Variants in DLGAP4 observed in about 807,000 individuals in gnomAD.
The protein encoded by DLGAP4 is disks large-associated protein 4.
A neutral mutation model predicts 86.9 loss-of-function variants in DLGAP4; 18 were observed. The observed-to-expected ratio is 0.21, with a 90% confidence interval of 0.14 to 0.31. The LOEUF is 0.31. DLGAP4 is among the 10% of genes least tolerant of loss of function. The pLI is 1.00. For missense variants in DLGAP4, 1,085 were observed against 1,362.6 expected (o/e 0.80, Z 3.21); for synonymous variants, 548 against 574.3 (o/e 0.95, Z 0.65).
chr20:36,463,754 C>T (rs1218221666), intron 7 of DLGAP4, among the ~76,000 whole-genome samples: 1 of 152,198 alleles, frequency 6.6e-6, no homozygotes, highest in Non-Finnish European at 1.5e-5. Context: ...GCTTTTCCTG[C>T]TTCCCCTGTA....
intron 7 of DLGAP4, among the ~76,000 whole-genome samples, chr20:36,448,865 T>C (rs1569503130): frequency 6.6e-6 from 1 of 151,152 alleles, no homozygotes; most frequent in Non-Finnish European, 1.5e-5. Context: ...ACCCGGGAGG[T>C]AGAGGTTGCA....
chr20:36,464,630 A>T (rs542406176), intron 7 of DLGAP4, among the ~76,000 whole-genome samples: 5 of 152,014 alleles, frequency 3.3e-5, no homozygotes, highest in African/African-American at 1.2e-4. Context: ...CGGGCAGATC[A>T]CTGGAGGTCA....
At chr20:36,313,548 T>TG (rs1423052033) in intron 1 of DLGAP4, among the ~76,000 whole-genome samples, 8,819 of 136,094 alleles carry the variant, frequency 0.065, 289 homozygotes, top group Non-Finnish European at 0.079. Context: ...AGCTCTGGGG[T>TG]GGGGGGGGGT....
intron 7 of DLGAP4, among the ~76,000 whole-genome samples, chr20:36,470,176 C>T (rs2034597926): frequency 6.6e-6 from 1 of 152,160 alleles, no homozygotes; most frequent in African/African-American, 2.4e-5. Context: ...CACTTAATTT[C>T]CCGTCCTTCC....
intron 1 of DLGAP4, among the ~76,000 whole-genome samples, chr20:36,319,633 G>A (rs1460967108): frequency 2.0e-5 from 3 of 152,176 alleles, no homozygotes; most frequent in Non-Finnish European, 2.9e-5. Flanking sequence ...GTGGGAAACC[G>A]GGGCCACAGA....
chr20:36,424,357 G>A (rs903463609), intron 2 of DLGAP4, among the ~76,000 whole-genome samples: 2 of 152,166 alleles, frequency 1.3e-5, no homozygotes, highest in African/African-American at 4.8e-5. Flanking sequence ...CCCCTGGGAA[G>A]GAGCATAAGG....
Position 36,527,298 on chromosome 20 carries a change from T to C in DLGAP4, c.*267T>C. 1 of 324,410 alleles carries C rather than the reference T, an allele frequency of 3.1e-6. No individual in the cohort carries two copies. The highest frequency in any genetic ancestry group is 4.6e-5 in the Admixed American group (1 of 21,942). 20.1% of individuals were successfully genotyped at this position (324,410 alleles called of 1,614,324 possible). A position where few individuals can be genotyped will look rare whatever the true frequency, so the allele number is the denominator to read the frequency against. ...TTTCCTCTTGCTGGCCGTGGTGGAC[T>C]AGATAGATGGACGTCGGCAACTCCC... is the stretch of plus-strand genomic sequence containing the variant. On this transcript the variant is annotated 3_prime_UTR_variant, in exon 13 of 13. Transcript: ENST00000339266.
chr20:36,340,146 C>T (rs1555892378), intron 1 of DLGAP4, among the ~76,000 whole-genome samples: 1 of 152,156 alleles, frequency 6.6e-6, no homozygotes, highest in Admixed American at 6.5e-5. Flanking sequence ...CCAATACCCT[C>T]ACCTCTGGGA....
intron 10 of DLGAP4, among the ~76,000 whole-genome samples, chr20:36,505,075 C>G (rs1207801985): frequency 6.6e-6 from 1 of 151,978 alleles, no homozygotes; most frequent in Non-Finnish European, 1.5e-5. Flanking sequence ...GCAACCTCCG[C>G]CTGCTGGGTT....
chr20:36,498,698 G>A (rs1401867532), intron 8 of DLGAP4: 1 of 152,742 alleles, frequency 6.5e-6, no homozygotes, highest in Admixed American at 6.5e-5. Flanking sequence ...CCAAGAGACT[G>A]AAGAGTCCCC....
intron 2 of DLGAP4, among the ~76,000 whole-genome samples, chr20:36,428,001 G>A (rs1002309248): frequency 2.6e-5 from 4 of 152,082 alleles, no homozygotes; most frequent in Non-Finnish European, 4.4e-5. Context: ...ATAATATGCA[G>A]CTAATAGATA....
At chr20:36,375,840 G>A (rs1157569557) in intron 2 of DLGAP4, among the ~76,000 whole-genome samples, 11 of 152,104 alleles carry the variant, frequency 7.2e-5, no homozygotes, top group Non-Finnish European at 1.3e-4. Context: ...CTCAACTGTT[G>A]GGCTGGGGAG....
In DLGAP4 at chr20:36,432,623, C is replaced by G; in HGVS notation, c.906C>G (p.Ala302=). 6.2e-7 allele frequency: 1 copy of G among 1,612,522 alleles called. No homozygotes were observed. Among genetic ancestry groups the G allele is most frequent in the South Asian group, 1.1e-5 (1 of 90,484 alleles). ...GSWSTLTLSH[A]HEVCQKTSAT... ...GGTCCACTCTGACCCTCAGCCACGC[C>G]CACGAGGTCTGCCAGAAGACCTCAG... The change falls in exon 3 of 13, where the codon GCC becomes GCG. Residue 302 remains alanine, a synonymous_variant. Transcript: ENST00000339266. The surrounding 1 kb of genome is among the most constrained non-coding windows in gnomAD (Gnocchi z 6.5).
Position 36,456,427 on chromosome 20 carries a change from G to A in DLGAP4, c.1648+9490G>A, listed in dbSNP as rs145057878. Among the ~76,000 whole-genome samples, 7 of 152,354 alleles carry A rather than the reference G, an allele frequency of 4.6e-5. No individual in the cohort carries two copies. In the East Asian group the frequency reaches 1.3e-3, roughly 29 times the overall value. ...GCAACATGGGCAGGATGGATTAGAG[G>A]CTGAGAGGCCACTCACAGGTTGGTG... On this transcript the variant is annotated intron_variant, in intron 7 of 12. Coordinates refer to ENST00000339266, the MANE Select transcript of DLGAP4 (RefSeq NM_001365621.2).
intron 2 of DLGAP4, among the ~76,000 whole-genome samples, chr20:36,401,691 T>G (rs1236844158): frequency 1.3e-5 from 2 of 152,148 alleles, no homozygotes; most frequent in Non-Finnish European, 2.9e-5. Context: ...GCTCACAATC[T>G]GGGAAGAGGG....
chr20:36,454,008 C>G (rs1204339474), intron 7 of DLGAP4, among the ~76,000 whole-genome samples: 4 of 149,584 alleles, frequency 2.7e-5, no homozygotes, highest in African/African-American at 9.9e-5. Context: ...CAGTGGCTCA[C>G]GCCTGTAATC....
chr20:36,526,484 A>G (rs764137981), intron 12 of DLGAP4, among the ~76,000 whole-genome samples: 32 of 151,952 alleles, frequency 2.1e-4, no homozygotes, highest in Non-Finnish European at 2.8e-4. Flanking sequence ...CTGAAGCCCT[A>G]AATTTGTCTC....
In DLGAP4 at chr20:36,306,574, C is replaced by T. The variant is rs1423087385; in HGVS notation, c.-304+62C>T. ...CCCTTCCCGGGCCGGCGCGCTCCGTCCCTCGGCTAGACCCCCCGATCTGGT... is the reference window on the plus strand; with the variant it reads ...CCCTTCCCGGGCCGGCGCGCTCCGTTCCTCGGCTAGACCCCCCGATCTGGT... On this transcript the variant is annotated intron_variant, in intron 1 of 12. Coordinates refer to ENST00000339266, the MANE Select transcript of DLGAP4 (RefSeq NM_001365621.2). This position sits in a 1 kb window ranked among gnomAD's most constrained non-coding sequence, Gnocchi z 4.9. 1.3e-5 allele frequency: 2 copies of T among 151,658 alleles called. No homozygotes were observed. The highest frequency in any genetic ancestry group is 2.9e-5 in the Non-Finnish European group (2 of 67,840). The allele number at this position is 151,658 out of a possible 1,614,324, so 9.4% of individuals were successfully genotyped here.
intron 2 of DLGAP4, among the ~76,000 whole-genome samples, chr20:36,385,275 C>T (rs1234573887): frequency 6.6e-6 from 1 of 152,174 alleles, no homozygotes; most frequent in East Asian, 1.9e-4. Context: ...TGGCCTCAAA[C>T]AAGTCATCTA....
Sources: gnomAD v4.1 joint callset for allele counts (sites outside exome capture counted in the v4.1 genomes callset) on GRCh38, gnomAD v4.1.1 for gene constraint, Gnocchi (gnomAD v3.1) non-coding constraint, MANE v1.5 for transcripts, NCBI Gene and HGNC (gene_info 2026-07-23, HGNC 2026-07-21) for gene names.